The following TRPM6 variants were observed in gnomAD, a reference collection of about 807,000 sequenced individuals.
TRPM6 encodes the protein transient receptor potential cation channel subfamily M member 6.
In TRPM6, 111 loss-of-function variants were observed where a neutral mutation model predicts 247.6. The ratio of observed to expected loss-of-function variants is 0.45; its 90% confidence interval spans 0.38 to 0.52. TRPM6 has a LOEUF of 0.52. Ranked by LOEUF, TRPM6 falls within the 20% of genes least tolerant of loss-of-function variation. The probability of loss-of-function intolerance (pLI) is 0.00; values close to 1 mark genes in which losing one functional copy is unlikely to be tolerated. For synonymous variants in TRPM6, 892 were observed against 853.8 expected, an observed-to-expected ratio of 1.04 and a Z score of -0.78; for missense variants, 2,126 against 2,421.5, an observed-to-expected ratio of 0.88 and a Z score of 2.56.
intron 1 of TRPM6, among the ~76,000 whole-genome samples, chr9:74,880,823 C>G (rs1003542516): frequency 6.6e-6 from 1 of 152,076 alleles, no homozygotes; most frequent in Non-Finnish European, 1.5e-5. Context: ...CAGAATACCA[C>G]CAAACCACAA....
chr9:74,794,383 G>C (rs1828016962), intron 18 of TRPM6, among the ~76,000 whole-genome samples: 1 of 152,064 alleles, frequency 6.6e-6, no homozygotes, highest in South Asian at 2.1e-4. Context: ...AAGGCCTCGG[G>C]CATCTAGATG....
At chr9:74,790,913 A>G (rs1285500556) in intron 19 of TRPM6, among the ~76,000 whole-genome samples, 2 of 152,250 alleles carry the variant, frequency 1.3e-5, no homozygotes, top group Non-Finnish European at 1.5e-5. Context: ...CATAAAGGCT[A>G]CAAGCAACCA....
rs1564002934 is a variant in TRPM6 at position 74,763,090 on chromosome 9, A to G, written c.3581T>C (p.Val1194Ala). 6.2e-7 allele frequency: 1 copy of G among 1,613,744 alleles called. No individual in the cohort carries two copies. Among genetic ancestry groups the G allele is most frequent in the Admixed American group, 1.7e-5 (1 of 60,006 alleles). The change falls in exon 26 of 39, where the codon GTG becomes GCG. Residue 1194 changes from valine (V) to alanine (A), a missense_variant. By Grantham distance (64) the Val-to-Ala change is moderately conservative (BLOSUM62 0). Around this residue, in one of 3 missense-constraint regions of TRPM6, gnomAD observed 717 missense variants for 715.9 expected, o/e 1.00. Transcript: ENST00000360774. ...CAGTAAGGAGTCCTTTATAAAAGAC[A>G]CCTTTTCATTCATTTCTTTCAGCTG... is the stretch of plus-strand genomic sequence containing the variant. The part of the protein sequence containing the change: ...YFQLKEMNEK[V>A]SFIKDSLLSL...
At chr9:74,812,506 G>T (rs1587533689) in intron 11 of TRPM6, 73 bp from the exon 12 acceptor site, 6 of 1,379,536 alleles carry the variant, frequency 4.3e-6, no homozygotes, top group Middle Eastern at 2.0e-4. Flanking sequence ...ACATGTTTTT[G>T]AACTCAAAAT....
chr9:74,880,230 T>A (rs1264309255), intron 1 of TRPM6, among the ~76,000 whole-genome samples: 1 of 152,078 alleles, frequency 6.6e-6, no homozygotes, highest in East Asian at 1.9e-4. Context: ...TATTCAAAAT[T>A]TTGGTGCTCT....
rs145514861 is a variant in TRPM6 at position 74,762,551 on chromosome 9, C to T, written c.4120G>A (p.Ala1374Thr). 6.2e-7 allele frequency: 1 copy of T among 1,614,178 alleles called. No homozygotes were observed. The highest frequency in any genetic ancestry group is 1.3e-5 in the African/African-American group (1 of 75,054). Reference sequence around the variant, plus strand: ...TCAGTCTGGATGTCCTGTTCAGTTGCCAGCACATCTGGCACAGAGGGTCTG... The same window carrying T: ...TCAGTCTGGATGTCCTGTTCAGTTGTCAGCACATCTGGCACAGAGGGTCTG... ...LSRPSVPDVL[A>T]TEQDIQTEVL... Residue 1374 changes from alanine (A) to threonine (T), a missense_variant, in exon 26 of 39, where the codon GCA (alanine) becomes ACA (threonine). Transcript: ENST00000360774.
At chr9:74,758,193 G>A (rs185431955) in intron 27 of TRPM6, among the ~76,000 whole-genome samples, 10 of 152,100 alleles carry the variant, frequency 6.6e-5, no homozygotes, top group Admixed American at 2.0e-4. Flanking sequence ...TTAATTCTAC[G>A]AATACTTCAG....
At chr9:74,855,172 A>G (rs1349417755) in intron 3 of TRPM6, among the ~76,000 whole-genome samples, 1 of 152,258 alleles carries the variant, frequency 6.6e-6, no homozygotes, top group Non-Finnish European at 1.5e-5. Context: ...CCATAAGCTT[A>G]GTATGCATAC....
chr9:74,840,954 G>T (rs1445273816), intron 4 of TRPM6, among the ~76,000 whole-genome samples: 1 of 152,040 alleles, frequency 6.6e-6, no homozygotes, highest in African/African-American at 2.4e-5. Flanking sequence ...GGTGAAATGG[G>T]ATTTTTCATA....
chr9:74,816,488 A>AC (rs1233379294), intron 11 of TRPM6, among the ~76,000 whole-genome samples, 181 bp downstream of exon 11: 1 of 150,944 alleles, frequency 6.6e-6, no homozygotes, highest in African/African-American at 2.4e-5. Flanking sequence ...AAAAAAAAAA[A>AC]ACAGATGGTT....
chr9:74,742,581 A>T lies in TRPM6; in HGVS notation c.5180T>A (p.Phe1727Tyr). 1 of 1,613,998 alleles carries T rather than the reference A, an allele frequency of 6.2e-7. No homozygotes were observed. The change falls in exon 33 of 39, where the codon TTT becomes TAT. Residue 1727 changes from phenylalanine to tyrosine, a missense_variant. By Grantham distance (22) the Phe-to-Tyr change is conservative. Around this residue, in one of 3 missense-constraint regions of TRPM6, gnomAD observed 327 missense variants for 397.7 expected, o/e 0.82. Coordinates refer to ENST00000360774, the MANE Select transcript of TRPM6 (RefSeq NM_017662.5). ...NLMRLSQTIPFTPVQLFAGEE... is the reference protein window; with the variant it reads ...NLMRLSQTIPYTPVQLFAGEE... ...CTCACCAAACAGTTGGACTGGTGTAAATGGTATGGTCTGAGAAAGCCTCAT... is the reference window on the plus strand; with the variant it reads ...CTCACCAAACAGTTGGACTGGTGTATATGGTATGGTCTGAGAAAGCCTCAT...
chr9:74,826,221 T>G (rs4745361), intron 7 of TRPM6, among the ~76,000 whole-genome samples: 22,915 of 152,264 alleles, frequency 0.15, 2,207 homozygotes, highest in East Asian at 0.28. Flanking sequence ...TAGATAGTTC[T>G]TTTCATTTTA....
intron 27 of TRPM6, among the ~76,000 whole-genome samples, chr9:74,760,038 A>G (rs989054049): frequency 1.3e-5 from 2 of 152,216 alleles, no homozygotes; most frequent in African/African-American, 4.8e-5. Context: ...CGGTGGTCCC[A>G]TAAGATTATA....
rs187823226 is a variant in TRPM6, at chr9:74,732,751, C to A, written c.5777-15G>T. On this transcript the variant is annotated splice_polypyrimidine_tract_variant and intron_variant, in intron 36 of 38. Coordinates refer to ENST00000360774, the MANE Select transcript of TRPM6 (RefSeq NM_017662.5). The stretch of plus-strand genomic sequence containing the variant: ...TTCTCCAACACCTCAAAAGAAGAAA[C>A]AAAATTCGTTTAGCAAATGGAGATT... 1 of 1,603,190 alleles carries A rather than the reference C, an allele frequency of 6.2e-7. No individual in the cohort carries two copies. The highest frequency in any genetic ancestry group is 1.7e-5 in the Admixed American group (1 of 59,602).
intron 1 of TRPM6, among the ~76,000 whole-genome samples, chr9:74,881,430 C>A (rs888904797): frequency 6.6e-6 from 1 of 151,974 alleles, no homozygotes; most frequent in Admixed American, 6.6e-5. Flanking sequence ...AAAGCATGCA[C>A]CCCAATATAT....
intron 11 of TRPM6, among the ~76,000 whole-genome samples, chr9:74,816,292 C>T (rs187420389): frequency 1.1e-4 from 17 of 152,044 alleles, no homozygotes; most frequent in African/African-American, 4.1e-4. Context: ...TTACCTGACC[C>T]CAGGAGTTAA....
rs1209286224 is a variant in TRPM6, at chr9:74,762,805, C to A, written c.3866G>T (p.Gly1289Val). ...PSSLLRSLAG[G>V]RHPPRVQRGA... ...CCTCTGCACTCTTGGGGGATGCCGG[C>A]CTCCAGCCAGGCTCCTCAGCAAAGA... The change falls in exon 26 of 39, where the codon GGC becomes GTC. Residue 1289 changes from glycine (G) to valine (V), a missense_variant. By Grantham distance (109) the Gly-to-Val change is moderately radical. Transcript: ENST00000360774. The A allele has an allele frequency of 1.2e-6, 2 of 1,614,184 alleles. No individual in the cohort carries two copies. Among genetic ancestry groups the A allele is most frequent in the South Asian group, 2.2e-5 (2 of 91,078 alleles).
intron 23 of TRPM6, among the ~76,000 whole-genome samples, chr9:74,780,942 A>C (rs1827418034): frequency 6.6e-6 from 1 of 152,164 alleles, no homozygotes; most frequent in Non-Finnish European, 1.5e-5. Context: ...ATTATAAATA[A>C]AAGTATGTTG....
chr9:74,827,954 G>A lies in TRPM6; in HGVS notation c.670-5C>T. Reference sequence around the variant, plus strand: ...AGTCTGGTACAGGCACACCACCTGAGAGACAGCAAGGACAAGGGAGGGTCA... The same window carrying A: ...AGTCTGGTACAGGCACACCACCTGAAAGACAGCAAGGACAAGGGAGGGTCA... On this transcript the variant is annotated splice_polypyrimidine_tract_variant and splice_region_variant and intron_variant, in intron 6 of 38. Transcript: ENST00000360774. 1 of 1,613,868 alleles carries A rather than the reference G, an allele frequency of 6.2e-7. No homozygotes were observed. The highest frequency in any genetic ancestry group is 8.5e-7 in the Non-Finnish European group (1 of 1,179,828).
Sources: gnomAD v4.1 joint callset for allele counts (sites outside exome capture counted in the v4.1 genomes callset) on GRCh38, gnomAD v4.1.1 for gene constraint, gnomAD v4.1.1 regional missense constraint, MANE v1.5 for transcripts, NCBI Gene and HGNC (gene_info 2026-07-23, HGNC 2026-07-21) for gene names.